DGKG: variants seen among roughly 807,000 people sequenced by gnomAD.
DGKG encodes DAG kinase gamma.
DGKG carries 78 observed loss-of-function variants against 105.3 expected under a neutral mutation model. The observed-to-expected ratio is 0.74, with a 90% CI of 0.62 to 0.89. The LOEUF (loss-of-function observed/expected upper bound fraction) is 0.89. Ranked by LOEUF, DGKG falls within the 40% of genes least tolerant of loss-of-function variation. DGKG has a pLI of 0.00. For missense variants in DGKG, 958 were observed against 1,020.1 expected, an observed-to-expected ratio of 0.94 and a Z score of 0.83; for synonymous variants, 346 against 367.1, an observed-to-expected ratio of 0.94 and a Z score of 0.66.
At chr3:186,237,337 A>G (rs1415374164) in intron 20 of DGKG, among the ~76,000 whole-genome samples, 1 of 152,164 alleles carries the variant, frequency 6.6e-6, no homozygotes, top group Non-Finnish European at 1.5e-5. Context: ...TTGCTGTCCC[A>G]TTTTTGAGGA....
intron 17 of DGKG, 77 bp downstream of exon 17, chr3:186,257,777 C>A (rs2108569468): frequency 3.5e-6 from 4 of 1,143,806 alleles, no homozygotes; most frequent in South Asian, 1.3e-5. Context: ...ATGTCTCTTT[C>A]TTTTTTATTG....
intron 21 of DGKG, among the ~76,000 whole-genome samples, chr3:186,207,711 AG>A (rs11286568): frequency 0.43 from 65,280 of 152,126 alleles, 17,354 homozygotes; most frequent in East Asian, 0.92. Flanking sequence ...ACTCCAAGTC[AG>A]GGCCCTGGCC....
chr3:186,335,145 C>T (rs1043348874), intron 1 of DGKG, among the ~76,000 whole-genome samples: 1 of 152,148 alleles, frequency 6.6e-6, no homozygotes, highest in Non-Finnish European at 1.5e-5. Flanking sequence ...GATCTCAGCT[C>T]ACTGCAACCT....
chr3:186,356,830 A>T (rs956969581), intron 1 of DGKG, among the ~76,000 whole-genome samples: 3 of 152,180 alleles, frequency 2.0e-5, no homozygotes, highest in African/African-American at 4.8e-5. Flanking sequence ...GGACTCCCTG[A>T]GGAGAAGCAC....
chr3:186,354,797 G>A (rs1726827477), intron 1 of DGKG, among the ~76,000 whole-genome samples: 2 of 152,196 alleles, frequency 1.3e-5, no homozygotes, highest in South Asian at 2.1e-4. Context: ...GAAAAGAGGA[G>A]TTATGCCCTG....
chr3:186,300,442 C>A (rs1304262676), intron 3 of DGKG, among the ~76,000 whole-genome samples: 1 of 152,198 alleles, frequency 6.6e-6, no homozygotes, highest in African/African-American at 2.4e-5. Context: ...ACTGTCTCAT[C>A]TTTGGCCTCT....
chr3:186,330,501 C>T (rs573238658), intron 1 of DGKG, among the ~76,000 whole-genome samples: 5 of 152,270 alleles, frequency 3.3e-5, no homozygotes, highest in African/African-American at 1.2e-4. Context: ...GTGCCTGTGT[C>T]AAGCATAAGC....
chr3:186,355,573 C>G (rs1726909206), intron 1 of DGKG, among the ~76,000 whole-genome samples: 1 of 150,936 alleles, frequency 6.6e-6, no homozygotes, highest in Admixed American at 6.6e-5. Context: ...ACCACCATTA[C>G]CCCCACCACC....
chr3:186,275,722 A>C, intron 9 of DGKG, 58 bp from the exon 10 acceptor site: 5 of 1,164,582 alleles, frequency 4.3e-6, no homozygotes, highest in Non-Finnish European at 6.3e-6. Flanking sequence ...GGAGGAAGCC[A>C]GGGGCTGCCT....
chr3:186,283,702 T>C (rs1000151436), intron 7 of DGKG, among the ~76,000 whole-genome samples: 2 of 152,232 alleles, frequency 1.3e-5, no homozygotes, highest in Non-Finnish European at 2.9e-5. Context: ...CCTGACATAA[T>C]GCAGATACTC....
intron 1 of DGKG, among the ~76,000 whole-genome samples, chr3:186,348,325 A>G (rs1468120657): frequency 6.8e-6 from 1 of 146,442 alleles, no homozygotes; most frequent in Non-Finnish European, 1.5e-5. Flanking sequence ...TTGAGTAAAT[A>G]CATTTTTTAA....
rs567097277 is a variant in DGKG, at chr3:186,331,721, G to C, written c.-248-11014C>G. 5.9e-5 allele frequency among the ~76,000 whole-genome samples: 9 copies of C among 152,232 alleles called. No homozygotes were observed. In the South Asian group the frequency reaches 1.7e-3, roughly 28 times the overall value. ...GTCTTTGGCACAGGCAGGCAGTGTT[G>C]GTCTAAGAAGAGTGTTTGTAGCTCA... On this transcript the variant is annotated intron_variant, in intron 1 of 24. Transcript: ENST00000265022.
At chr3:186,348,175 G>A (rs1208074350) in intron 1 of DGKG, among the ~76,000 whole-genome samples, 2 of 151,972 alleles carry the variant, frequency 1.3e-5, no homozygotes, top group Non-Finnish European at 2.9e-5. Flanking sequence ...TTTGGCAGTT[G>A]CATTGTTTCC....
chr3:186,335,062 A>G (rs148284726), intron 1 of DGKG, among the ~76,000 whole-genome samples: 13 of 152,188 alleles, frequency 8.5e-5, no homozygotes, highest in African/African-American at 2.7e-4. Flanking sequence ...AAGGTGTTGT[A>G]AGACCTGGAG....
Position 186,158,300 on chromosome 3 carries a change from T to C in DGKG, c.2277+3303A>G. 4.6e-6 allele frequency: 4 copies of C among 869,970 alleles called. No individual in the cohort carries two copies. In the South Asian group the frequency reaches 2.1e-4, roughly 46 times the overall value. 53.9% of individuals were successfully genotyped at this position (869,970 alleles called of 1,614,324 possible). On this transcript the variant is annotated intron_variant, in intron 24 of 24. Transcript: ENST00000265022. Reference sequence around the variant, plus strand: ...TTATATGATGGAAGATTATGAGGCTTTTAATTTACTTCCAAATATAGTTTA... The same window carrying C: ...TTATATGATGGAAGATTATGAGGCTCTTAATTTACTTCCAAATATAGTTTA...
rs191450469 is a variant in DGKG, at chr3:186,323,158, T to A, written c.-248-2451A>T. On this transcript the variant is annotated intron_variant, in intron 1 of 24. Coordinates refer to ENST00000265022, the MANE Select transcript of DGKG (RefSeq NM_001346.3). ...AAATTCTTCAGTAGTTTCTACTGCCTGTAGAATAAGATGTAATCTTCTTTT... is the reference window on the plus strand; with the variant it reads ...AAATTCTTCAGTAGTTTCTACTGCCAGTAGAATAAGATGTAATCTTCTTTT... Among the ~76,000 whole-genome samples the A allele has an allele frequency of 1.4e-3, 211 of 152,346 alleles. 1 individual carries two copies. The highest frequency in any genetic ancestry group is 4.1e-3 in the African/African-American group (170 of 41,582).
chr3:186,340,417 C>A (rs573752796), intron 1 of DGKG, among the ~76,000 whole-genome samples: 9 of 152,046 alleles, frequency 5.9e-5, no homozygotes, highest in Non-Finnish European at 1.3e-4. Context: ...AAATTACAAC[C>A]CAATTGGAGG....
In DGKG at chr3:186,148,916, T is replaced by A; in HGVS notation, c.*1174A>T. 1 of 911,984 alleles carries A rather than the reference T, an allele frequency of 1.1e-6. No individual in the cohort carries two copies. The highest frequency in any genetic ancestry group is 1.3e-6 in the Non-Finnish European group (1 of 784,402). The allele number at this position is 911,984 out of a possible 1,614,324, so 56.5% of individuals were successfully genotyped here. A position where few individuals can be genotyped will look rare whatever the true frequency, so the allele number is the denominator to read the frequency against. Reference sequence around the variant, plus strand: ...CACTTTCTGTCTCATACTACCTATGTTTTTTTTTTCCAATGAGGAAAAGTC... The same window carrying A: ...CACTTTCTGTCTCATACTACCTATGATTTTTTTTTCCAATGAGGAAAAGTC... On this transcript the variant is annotated 3_prime_UTR_variant, in exon 25 of 25. Transcript: ENST00000265022.
chr3:186,355,111 T>C (rs907309883), intron 1 of DGKG, among the ~76,000 whole-genome samples: 2 of 93,814 alleles, frequency 2.1e-5, no homozygotes, highest in African/African-American at 8.5e-5. Flanking sequence ...AGGAAGCCAC[T>C]ACTATCTCCA....
Sources: gnomAD v4.1 joint callset for allele counts (sites outside exome capture counted in the v4.1 genomes callset) on GRCh38, gnomAD v4.1.1 for gene constraint, MANE v1.5 for transcripts, NCBI Gene and HGNC (gene_info 2026-07-23, HGNC 2026-07-21) for gene names.